The following IDO2 variants were observed in gnomAD, a reference collection of about 807,000 sequenced individuals.
The protein encoded by IDO2 is indoleamine 2,3-dioxygenase 2, also known as indoleamine 2,3-dioxygenase-like 1 protein.
In IDO2, 46 loss-of-function variants were observed where a neutral mutation model predicts 45.1. That is an observed-to-expected ratio of 1.02 (90% CI 0.80 to 1.30). The LOEUF is 1.30. IDO2 is among the 50% of genes most tolerant of loss of function. IDO2 has a pLI of 0.00. For missense variants in IDO2, 544 were observed against 491.8 expected (o/e 1.11, Z -1.00); for synonymous variants, 218 against 184.9 (o/e 1.18, Z -1.45).
At chr8:39,974,624 A>C (rs1475767068) in intron 3 of IDO2, among the ~76,000 whole-genome samples, 1 of 152,178 alleles carries the variant, frequency 6.6e-6, no homozygotes, top group African/African-American at 2.4e-5. Flanking sequence ...CTCTACTGAA[A>C]ATACACAAAA....
intron 2 of IDO2, among the ~76,000 whole-genome samples, chr8:39,961,320 C>CTTTTTTTTTTTTTTTTTTTTTTT (rs57577433): frequency 9.4e-6 from 1 of 106,116 alleles, no homozygotes; most frequent in Admixed American, 1.2e-4. Context: ...TTGTATACTT[C>CTTTTTTTTTTTTTTTTTTTTTTT]TTTTTTTTTT....
At chr8:39,958,266 ATCTC>A in intron 2 of IDO2, among the ~76,000 whole-genome samples, 1 of 151,058 alleles carries the variant, frequency 6.6e-6, no homozygotes, top group African/African-American at 2.4e-5. Context: ...CAGTGGCTTG[ATCTC>A]AGCTCACTGC....
chr8:39,996,536 GGT>G (rs1371554313), intron 8 of IDO2, among the ~76,000 whole-genome samples: 1 of 151,932 alleles, frequency 6.6e-6, no homozygotes, highest in Non-Finnish European at 1.5e-5. Flanking sequence ...GGCCACTACT[GGT>G]CTCCGCATCT....
At chr8:39,977,165 A>G (rs1055140904) in intron 3 of IDO2, among the ~76,000 whole-genome samples, 9 of 152,342 alleles carry the variant, frequency 5.9e-5, no homozygotes, top group African/African-American at 2.2e-4. Flanking sequence ...GAAATCAGTA[A>G]GATGAATGAT....
chr8:39,951,669 A>C (rs750085843), intron 2 of IDO2, among the ~76,000 whole-genome samples: 1 of 152,172 alleles, frequency 6.6e-6, no homozygotes, highest in Non-Finnish European at 1.5e-5. Context: ...CAGTCTTCTG[A>C]CCTTGAGCCA....
At chr8:39,969,692 T>A (rs888227243) in intron 3 of IDO2, among the ~76,000 whole-genome samples, 11 of 152,138 alleles carry the variant, frequency 7.2e-5, no homozygotes, top group African/African-American at 2.7e-4. Flanking sequence ...CTGGCCAACA[T>A]GGCGAAACTC....
chr8:39,947,898 C>T (rs1227641304), intron 1 of IDO2, among the ~76,000 whole-genome samples: 1 of 151,844 alleles, frequency 6.6e-6, no homozygotes, highest in Non-Finnish European at 1.5e-5. Flanking sequence ...AGCAATTCTC[C>T]TGCCTCAGCC....
At chr8:39,957,778 C>T (rs1807926327) in intron 2 of IDO2, among the ~76,000 whole-genome samples, 1 of 152,142 alleles carries the variant, frequency 6.6e-6, no homozygotes, top group African/African-American at 2.4e-5. Flanking sequence ...AAAACTTAAA[C>T]CTTTGATTTC....
chr8:39,979,173 C>T (rs1249765602), exon 4 of IDO2: 5 of 1,590,372 alleles, frequency 3.1e-6, no homozygotes, highest in Admixed American at 1.8e-5. Flanking sequence ...GAAGGAGAGG[C>T]GCAGCCTGCA....
Position 39,965,284 on chromosome 8 carries a change from G to A in IDO2, c.195+1581G>A, listed in dbSNP as rs148296606. ...GCGGATTGCCTGAGCTCAGGAGTTC[G>A]AGACCAGCCTGAGAAACATGGTGAA... On this transcript the variant is annotated intron_variant, in intron 3 of 10. Coordinates refer to ENST00000502986, the Ensembl canonical transcript of IDO2. Among the ~76,000 whole-genome samples, 1,069 of 152,248 alleles carry A rather than the reference G, an allele frequency of 7.0e-3. 9 individuals are homozygous for A. Among genetic ancestry groups the A allele is most frequent in the African/African-American group, 0.023 (974 of 41,542 alleles).
At chr8:39,983,201 A>T (rs1808378843) in intron 5 of IDO2, among the ~76,000 whole-genome samples, 1 of 152,204 alleles carries the variant, frequency 6.6e-6, no homozygotes, top group East Asian at 1.9e-4. Flanking sequence ...TGGATTGAGA[A>T]TTTGATTAAT....
intron 3 of IDO2, among the ~76,000 whole-genome samples, chr8:39,968,614 A>G (rs1162842440): frequency 6.6e-6 from 1 of 152,150 alleles, no homozygotes; most frequent in Admixed American, 6.5e-5. Flanking sequence ...ACAGGAACAG[A>G]ACACCAAACA....
intron 4 of IDO2, among the ~76,000 whole-genome samples, chr8:39,982,224 C>A (rs992257852): frequency 2.4e-4 from 26 of 107,414 alleles, no homozygotes; most frequent in South Asian, 1.4e-3. Flanking sequence ...TCATCTCTCT[C>A]TATATATGTG....
chr8:39,983,581 C>T (rs916866251), intron 5 of IDO2, among the ~76,000 whole-genome samples: 5 of 151,918 alleles, frequency 3.3e-5, no homozygotes, highest in South Asian at 2.1e-4. Flanking sequence ...TTATGTGCCC[C>T]GGCCGGGCCC....
In IDO2 at chr8:39,998,766, G is replaced by A. The variant is rs888030112; in HGVS notation, c.668-6561G>A. On this transcript the variant is annotated intron_variant, in intron 8 of 10. Coordinates refer to ENST00000502986, the Ensembl canonical transcript of IDO2. The stretch of plus-strand genomic sequence containing the variant: ...AGCAATTCTCGTGCCTCAACTTCCC[G>A]AGTAGCTGAGATTACAGGTGCACAC... Among the ~76,000 whole-genome samples, 6 of 147,560 alleles carry A rather than the reference G, an allele frequency of 4.1e-5. No homozygotes were observed. The South Asian group carries it at 6.5e-4, about 16-fold the overall frequency.
chr8:39,989,697 T>A, intron 7 of IDO2, 24 bp from the exon 8 acceptor site: 3 of 1,483,400 alleles, frequency 2.0e-6, no homozygotes, highest in Admixed American at 2.0e-5. Context: ...GCTAATAAGT[T>A]GTGTACATGC....
chr8:39,966,506 C>T (rs1254803593), intron 3 of IDO2, among the ~76,000 whole-genome samples: 1 of 152,164 alleles, frequency 6.6e-6, no homozygotes, highest in Non-Finnish European at 1.5e-5. Flanking sequence ...TTTCTAGAAC[C>T]ACAGATGGAG....
chr8:39,996,841 A>C (rs1563438844), intron 8 of IDO2, among the ~76,000 whole-genome samples: 1 of 152,148 alleles, frequency 6.6e-6, no homozygotes, highest in African/African-American at 2.4e-5. Flanking sequence ...GAATTCCAAC[A>C]CTCTTAATAA....
exon 8 of IDO2, chr8:39,989,756 C>A (rs1181784687): frequency 1.2e-6 from 2 of 1,602,128 alleles, no homozygotes; most frequent in Admixed American, 1.7e-5. Context: ...TCTTGCAGCC[C>A]AACCAGGAGG....
Sources: allele counts gnomAD v4.1 joint callset (sites outside exome capture counted in the v4.1 genomes callset), GRCh38; gene constraint gnomAD v4.1.1; transcripts MANE v1.5; gene names NCBI Gene and HGNC (gene_info 2026-07-23, HGNC 2026-07-21).